The following MAPKAPK2 variants were observed in gnomAD, a reference collection of about 807,000 sequenced individuals.
MAPKAPK2 encodes MAPK activated protein kinase 2.
In MAPKAPK2, 9 loss-of-function variants were observed where a neutral mutation model predicts 48.8. The observed-to-expected ratio is 0.18, with a 90% CI of 0.11 to 0.32. MAPKAPK2 has a LOEUF of 0.32. MAPKAPK2 is among the 10% of genes least tolerant of loss of function. The pLI is 1.00. For synonymous variants in MAPKAPK2, 202 were observed against 190.6 expected (o/e 1.06, Z -0.49); for missense variants, 331 against 498.3 (o/e 0.66, Z 3.20).
chr1:206,723,216 A>C (rs1343253161), intron 1 of MAPKAPK2, among the ~76,000 whole-genome samples: 1 of 152,176 alleles, frequency 6.6e-6, no homozygotes, highest in Non-Finnish European at 1.5e-5. Flanking sequence ...CCGTCTGTCC[A>C]GTGCCCAGAG....
At chr1:206,697,480 A>G (rs1318633700) in intron 1 of MAPKAPK2, among the ~76,000 whole-genome samples, 2 of 151,818 alleles carry the variant, frequency 1.3e-5, no homozygotes, top group Non-Finnish European at 1.5e-5. Flanking sequence ...GCTTTTGCTC[A>G]TGGGGGAAGT....
intron 1 of MAPKAPK2, among the ~76,000 whole-genome samples, chr1:206,689,041 T>G (rs1672373595): frequency 6.6e-6 from 1 of 152,240 alleles, no homozygotes; most frequent in South Asian, 2.1e-4. Context: ...TGTGTCATGG[T>G]GACCCTTAGG....
chr1:206,716,415 C>T (rs547302751), intron 1 of MAPKAPK2, among the ~76,000 whole-genome samples: 19 of 152,216 alleles, frequency 1.2e-4, no homozygotes, highest in African/African-American at 3.9e-4. Flanking sequence ...ATCTATCTTC[C>T]GGTTCTTTTT....
chr1:206,732,425 C>T lies in MAPKAPK2; in HGVS notation c.1060-150C>T. On this transcript the variant is annotated intron_variant, in intron 9 of 9. Coordinates refer to ENST00000367103, the MANE Select transcript of MAPKAPK2 (RefSeq NM_032960.4). This position sits in a 1 kb window ranked among gnomAD's most constrained non-coding sequence, Gnocchi z 4.4. ...TGAGGCTGCCGTTGTCAGCGTGGAC[C>T]ACTAACCAGCCCGTCTTCTCTCTCT... is the stretch of plus-strand genomic sequence containing the variant. 6.8e-7 allele frequency: 1 copy of T among 1,472,462 alleles called. No individual in the cohort carries two copies. Among genetic ancestry groups the T allele is most frequent in the Non-Finnish European group, 9.0e-7 (1 of 1,109,424 alleles). 91.2% of individuals were successfully genotyped at this position (1,472,462 alleles called of 1,614,324 possible). A position where few individuals can be genotyped will look rare whatever the true frequency, so the allele number is the denominator to read the frequency against.
chr1:206,721,343 C>A lies in MAPKAPK2; in HGVS notation c.280-7367C>A, dbSNP rs1448657394. On this transcript the variant is annotated intron_variant, in intron 1 of 9. Transcript: ENST00000367103. ...AGTTATATCTTTTCTTTACAGATTA[C>A]CCAGTCTCAGGTATTTCTTAATAGC... Among the ~76,000 whole-genome samples the A allele has an allele frequency of 2.6e-5, 4 of 152,158 alleles. No homozygotes were observed. In the East Asian group the frequency reaches 7.7e-4, roughly 29 times the overall value.
chr1:206,724,870 A>G (rs1006883365), intron 1 of MAPKAPK2, among the ~76,000 whole-genome samples: 8 of 152,218 alleles, frequency 5.3e-5, no homozygotes, highest in African/African-American at 1.9e-4. Context: ...GGTTGGGCAG[A>G]TAAGGCATAA....
chr1:206,695,786 C>T, intron 1 of MAPKAPK2: 1 of 238,456 alleles, frequency 4.2e-6, no homozygotes, highest in Non-Finnish European at 8.1e-6. Flanking sequence ...TTTTTTTTAA[C>T]AGGAAGGTAA....
At chr1:206,685,580 G>C in intron 1 of MAPKAPK2, 72 bp downstream of exon 1, 1 of 1,283,532 alleles carries the variant, frequency 7.8e-7, no homozygotes, top group East Asian at 4.3e-5. Context: ...TCGGGTGCCC[G>C]TCCCGGCCTG....
intron 1 of MAPKAPK2, among the ~76,000 whole-genome samples, chr1:206,728,034 C>T (rs1231361544): frequency 6.6e-6 from 1 of 152,176 alleles, no homozygotes; most frequent in Admixed American, 6.5e-5. Context: ...CAAGATTGAA[C>T]CCCTGAGGCT....
intron 1 of MAPKAPK2, among the ~76,000 whole-genome samples, chr1:206,714,373 G>T (rs1287457348): frequency 6.6e-6 from 1 of 152,076 alleles, no homozygotes; most frequent in Non-Finnish European, 1.5e-5. Flanking sequence ...AGCGACCCAG[G>T]GTAGCTTGTG....
chr1:206,732,785 GAA>G lies in MAPKAPK2; in HGVS notation c.*68_*69del. 1 of 1,566,450 alleles carries G rather than the reference GAA, an allele frequency of 6.4e-7. No individual in the cohort carries two copies. Among genetic ancestry groups the G allele is most frequent in the Non-Finnish European group, 8.7e-7 (1 of 1,147,252 alleles). On this transcript the variant is annotated 3_prime_UTR_variant, in exon 10 of 10. Coordinates refer to ENST00000367103, the MANE Select transcript of MAPKAPK2 (RefSeq NM_032960.4). This position sits in a 1 kb window ranked among gnomAD's most constrained non-coding sequence, Gnocchi z 4.4. ...CTCTACAGGAATATATTTTTTAAAC[GAA>G]GAGACAGAACTGTCCACATCTGCCT...
intron 1 of MAPKAPK2, among the ~76,000 whole-genome samples, chr1:206,706,834 C>T (rs910387885): frequency 6.6e-6 from 1 of 152,178 alleles, no homozygotes; most frequent in Non-Finnish European, 1.5e-5. Flanking sequence ...GAGCATTTAC[C>T]TGCAGCCCCT....
Position 206,731,585 on chromosome 1 carries a change from G to A in MAPKAPK2, c.893-55G>A, listed in dbSNP as rs1197478981. The A allele has an allele frequency of 2.1e-6, 3 of 1,444,108 alleles. No individual in the cohort carries two copies. In the African/African-American group the frequency reaches 4.2e-5, roughly 20 times the overall value. 89.5% of individuals were successfully genotyped at this position (1,444,108 alleles called of 1,614,324 possible). A position where few individuals can be genotyped will look rare whatever the true frequency, so the allele number is the denominator to read the frequency against. On this transcript the variant is annotated intron_variant, in intron 7 of 9. Transcript: ENST00000367103. The surrounding 1 kb of genome is among the most constrained non-coding windows in gnomAD (Gnocchi z 5.9). Reference sequence around the variant, plus strand: ...TTCCCCATGAAAACTGGGGAAAGGAGCAGGCCAGGGAGAGTGACCCCTGAG... The same window carrying A: ...TTCCCCATGAAAACTGGGGAAAGGAACAGGCCAGGGAGAGTGACCCCTGAG...
chr1:206,731,273 A>G lies in MAPKAPK2; in HGVS notation c.892+11A>G, dbSNP rs369830161. 1.1e-3 allele frequency: 1,735 copies of G among 1,613,978 alleles called. 37 individuals are homozygous for G. The South Asian group carries it at 0.017, about 16-fold the overall frequency. On this transcript the variant is annotated intron_variant, in intron 7 of 9. Transcript: ENST00000367103. The surrounding 1 kb of genome is among the most constrained non-coding windows in gnomAD (Gnocchi z 5.9). ...AAGTATCAGAGGAAGGTAAGAACCC[A>G]GGCTTTCAGGACAAGGGGAAGAGCC... is the stretch of plus-strand genomic sequence containing the variant.
At chr1:206,718,398 G>A (rs576571277) in intron 1 of MAPKAPK2, among the ~76,000 whole-genome samples, 164 of 152,234 alleles carry the variant, frequency 1.1e-3, no homozygotes, top group Non-Finnish European at 1.9e-3. Flanking sequence ...CAGGCATGGT[G>A]GTGGGCGCCT....
At chr1:206,703,254 G>C (rs1672854329) in intron 1 of MAPKAPK2, among the ~76,000 whole-genome samples, 1 of 152,196 alleles carries the variant, frequency 6.6e-6, no homozygotes, top group African/African-American at 2.4e-5. Context: ...AAACAATAAG[G>C]TTTTTAAAAA....
chr1:206,725,763 G>T (rs979567519), intron 1 of MAPKAPK2, among the ~76,000 whole-genome samples: 1 of 152,220 alleles, frequency 6.6e-6, no homozygotes, highest in African/African-American at 2.4e-5. Context: ...CCTGTAGGGG[G>T]CGATCGAGGT....
At chr1:206,723,395 T>C (rs1304688979) in intron 1 of MAPKAPK2, among the ~76,000 whole-genome samples, 2 of 152,154 alleles carry the variant, frequency 1.3e-5, no homozygotes, top group African/African-American at 2.4e-5. Context: ...GCACATCTAT[T>C]AACTCATCTT....
At chr1:206,688,545 AT>A (rs1558571133) in intron 1 of MAPKAPK2, among the ~76,000 whole-genome samples, 1 of 152,236 alleles carries the variant, frequency 6.6e-6, no homozygotes, top group East Asian at 1.9e-4. Flanking sequence ...AGCTTCATGC[AT>A]TTTTTTAACC....
Sources: gnomAD v4.1 joint callset for allele counts (sites outside exome capture counted in the v4.1 genomes callset) on GRCh38, gnomAD v4.1.1 for gene constraint, Gnocchi (gnomAD v3.1) non-coding constraint, MANE v1.5 for transcripts, NCBI Gene and HGNC (gene_info 2026-07-23, HGNC 2026-07-21) for gene names.